MAGI2: variants seen among roughly 807,000 people sequenced by gnomAD.
MAGI2 encodes membrane-associated guanylate kinase, WW and PDZ domain-containing protein 2.
A neutral mutation model predicts 133.3 loss-of-function variants in MAGI2; 35 were observed. The ratio of observed to expected loss-of-function variants is 0.26; its 90% CI spans 0.20 to 0.35. MAGI2 has a LOEUF of 0.35. MAGI2 is among the 10% of genes least tolerant of loss of function. The pLI is 1.00. For synonymous variants in MAGI2, 729 were observed against 710.6 expected, an observed-to-expected ratio of 1.03 and a Z score of -0.41; for missense variants, 1,636 against 1,863.4, an observed-to-expected ratio of 0.88 and a Z score of 2.25.
intron 2 of MAGI2, among the ~76,000 whole-genome samples, chr7:78,834,820 A>C (rs576560019): frequency 2.0e-5 from 3 of 152,216 alleles, no homozygotes; most frequent in African/African-American, 7.2e-5. Flanking sequence ...TGTACTTGCA[A>C]TAATGAATGA....
intron 1 of MAGI2, among the ~76,000 whole-genome samples, chr7:79,244,019 A>G (rs1399973088): frequency 1.3e-5 from 2 of 151,096 alleles, no homozygotes; most frequent in Admixed American, 6.6e-5. Flanking sequence ...GAAACGAAAG[A>G]AAAAAAAAGT....
At chr7:79,105,861 A>G (rs1016827526) in intron 1 of MAGI2, among the ~76,000 whole-genome samples, 3 of 152,112 alleles carry the variant, frequency 2.0e-5, no homozygotes, top group Admixed American at 1.3e-4. Context: ...AAAAACTTGC[A>G]TTAAGCAGAC....
chr7:78,667,556 A>C, intron 2 of MAGI2, among the ~76,000 whole-genome samples: 2 of 141,914 alleles, frequency 1.4e-5, no homozygotes, highest in South Asian at 2.4e-4. Flanking sequence ...CCACCCCACA[A>C]CAGTCCCCAG....
At chr7:78,300,886 G>A in intron 9 of MAGI2, among the ~76,000 whole-genome samples, 1 of 152,170 alleles carries the variant, frequency 6.6e-6, no homozygotes, top group East Asian at 1.9e-4. Flanking sequence ...GCTTTCACCT[G>A]ATCTCAATTG....
At chr7:78,508,312 G>C (rs942688657) in intron 4 of MAGI2, among the ~76,000 whole-genome samples, 1 of 152,130 alleles carries the variant, frequency 6.6e-6, no homozygotes, top group African/African-American at 2.4e-5. Context: ...TGGTGTACTG[G>C]ATCAGTTCAC....
chr7:78,364,409 T>C (rs939437787), intron 7 of MAGI2, among the ~76,000 whole-genome samples: 2 of 152,320 alleles, frequency 1.3e-5, no homozygotes, highest in South Asian at 4.1e-4. Flanking sequence ...TACTCACCAC[T>C]AACCATGAAA....
chr7:78,698,895 C>T (rs191976108), intron 2 of MAGI2, among the ~76,000 whole-genome samples: 234 of 152,286 alleles, frequency 1.5e-3, no homozygotes, highest in Non-Finnish European at 2.2e-3. Flanking sequence ...GTCACTCCCA[C>T]AATTACGGGA....
rs113802559 is a variant in MAGI2, at chr7:79,372,460, A to C, written c.301+80560T>G. Reference sequence around the variant, plus strand: ...TAGAATAGACTAGACTTAGAGTAGAACAGACTTAGAGAAGAAATTTTAGAA... The same window carrying C: ...TAGAATAGACTAGACTTAGAGTAGACCAGACTTAGAGAAGAAATTTTAGAA... On this transcript the variant is annotated intron_variant, in intron 1 of 21. Coordinates refer to ENST00000354212, the MANE Select transcript of MAGI2 (RefSeq NM_012301.4). 7.2e-5 allele frequency among the ~76,000 whole-genome samples: 11 copies of C among 152,260 alleles called. 1 individual carries two copies. The highest frequency in any genetic ancestry group is 2.2e-4 in the African/African-American group (9 of 41,576).
At chr7:78,840,010 T>A (rs560094219) in intron 2 of MAGI2, among the ~76,000 whole-genome samples, 1 of 152,218 alleles carries the variant, frequency 6.6e-6, no homozygotes, top group Admixed American at 6.5e-5. Flanking sequence ...AGCTACCGTC[T>A]TTTATTTCCA....
chr7:78,504,891 T>C (rs576633160), intron 4 of MAGI2, among the ~76,000 whole-genome samples: 4 of 152,132 alleles, frequency 2.6e-5, no homozygotes, highest in Non-Finnish European at 5.9e-5. Flanking sequence ...CTTATAATTG[T>C]TAAAGAGTAA....
intron 2 of MAGI2, among the ~76,000 whole-genome samples, chr7:78,880,909 G>A (rs1261359865): frequency 6.6e-6 from 1 of 152,064 alleles, no homozygotes; most frequent in Non-Finnish European, 1.5e-5. Flanking sequence ...AAGATAAAAA[G>A]AGCAGAGGTC....
At chr7:79,212,503 T>G (rs1238758586) in intron 1 of MAGI2, among the ~76,000 whole-genome samples, 4 of 152,106 alleles carry the variant, frequency 2.6e-5, no homozygotes, top group Non-Finnish European at 2.9e-5. Flanking sequence ...CTCTTGCCAG[T>G]GCAGGGTAGT....
intron 1 of MAGI2, among the ~76,000 whole-genome samples, chr7:79,388,202 T>C (rs1489946751): frequency 1.3e-5 from 2 of 152,024 alleles, no homozygotes; most frequent in Non-Finnish European, 2.9e-5. Flanking sequence ...CATTGTTTGC[T>C]AAAAAGGCAT....
At chr7:78,241,018 T>C (rs555582457) in intron 10 of MAGI2, among the ~76,000 whole-genome samples, 2 of 152,214 alleles carry the variant, frequency 1.3e-5, no homozygotes, top group African/African-American at 2.4e-5. Flanking sequence ...CTAGTATGTA[T>C]TACTGTGTTT....
At chr7:78,238,534 C>CAAA (rs57547010) in intron 10 of MAGI2, among the ~76,000 whole-genome samples, 30 of 149,956 alleles carry the variant, frequency 2.0e-4, no homozygotes, top group Admixed American at 4.0e-4. Context: ...GAACCTGTCT[C>CAAA]AAAAAAAAAA....
In MAGI2 at chr7:79,101,736, A is replaced by AG. The variant is rs1435603777; in HGVS notation, c.302-94531_302-94530insC. 4.3e-3 allele frequency among the ~76,000 whole-genome samples: 653 copies of AG among 150,284 alleles called. 5 individuals carry two copies. Among genetic ancestry groups the AG allele is most frequent in the African/African-American group, 0.015 (628 of 40,706 alleles). Reference sequence around the variant, plus strand: ...AAGACTCTGTCACAAAAAAAAAAAAAAAAAGAAAAAAGAAAAAGGAAAATG... The same window carrying AG: ...AAGACTCTGTCACAAAAAAAAAAAAAGAAAAGAAAAAAGAAAAAGGAAAATG... On this transcript the variant is annotated intron_variant, in intron 1 of 21. Coordinates refer to ENST00000354212, the MANE Select transcript of MAGI2 (RefSeq NM_012301.4).
chr7:79,163,993 A>G (rs1824677861), intron 1 of MAGI2, among the ~76,000 whole-genome samples: 1 of 151,912 alleles, frequency 6.6e-6, no homozygotes, highest in African/African-American at 2.4e-5. Context: ...CTATTACATC[A>G]GGTCAGGGCA....
chr7:78,133,779 A>G (rs1821804679), intron 17 of MAGI2, among the ~76,000 whole-genome samples: 1 of 152,222 alleles, frequency 6.6e-6, no homozygotes, highest in Non-Finnish European at 1.5e-5. Flanking sequence ...TTTCCATTGA[A>G]TAGCTTATAC....
At chr7:79,363,018 T>C (rs533328134) in intron 1 of MAGI2, among the ~76,000 whole-genome samples, 7 of 151,798 alleles carry the variant, frequency 4.6e-5, no homozygotes, top group Middle Eastern at 3.4e-3. Context: ...TGTTTCTAGA[T>C]AGAGGTGACA....
Sources: allele counts gnomAD v4.1 joint callset (sites outside exome capture counted in the v4.1 genomes callset), GRCh38; gene constraint gnomAD v4.1.1; transcripts MANE v1.5; gene names NCBI Gene and HGNC (gene_info 2026-07-23, HGNC 2026-07-21).